FHIT: variants seen among roughly 807,000 people sequenced by gnomAD.
The protein encoded by FHIT is fragile histidine triad diadenosine triphosphatase.
FHIT carries 19 observed loss-of-function variants against 17.9 expected under a neutral mutation model. That is an observed-to-expected ratio of 1.06 (90% confidence interval 0.74 to 1.56). FHIT has a LOEUF of 1.56. Among genes scored for constraint, FHIT ranks in the 40% most tolerant of loss-of-function variants. FHIT has a pLI of 0.00. For missense variants in FHIT, 248 were observed against 189.2 expected (o/e 1.31, Z -1.82); for synonymous variants, 81 against 69.7 (o/e 1.16, Z -0.81).
At chr3:60,989,460 C>T (rs1167169186) in intron 3 of FHIT, among the ~76,000 whole-genome samples, 1 of 152,126 alleles carries the variant, frequency 6.6e-6, no homozygotes, top group Non-Finnish European at 1.5e-5. Flanking sequence ...TAATTAAGCT[C>T]TTGCTACATA....
chr3:59,878,902 C>T (rs1703280914), intron 8 of FHIT, among the ~76,000 whole-genome samples: 1 of 152,100 alleles, frequency 6.6e-6, no homozygotes, highest in Non-Finnish European at 1.5e-5. Context: ...TTTTTTTACT[C>T]CCCTTGTTCA....
intron 4 of FHIT, among the ~76,000 whole-genome samples, chr3:60,817,181 T>A (rs1352933464): frequency 6.6e-6 from 1 of 152,182 alleles, no homozygotes; most frequent in African/African-American, 2.4e-5. Flanking sequence ...TGCTATAAAG[T>A]CATATGGATT....
intron 8 of FHIT, 53 bp from the exon 9 acceptor site, chr3:59,752,374 T>G: frequency 6.9e-7 from 1 of 1,448,528 alleles, no homozygotes; most frequent in Admixed American, 1.9e-5. Context: ...GGGATCTCCT[T>G]GAACAAATTT....
intron 9 of FHIT, chr3:59,750,122 C>G (rs1290129748): frequency 4.4e-6 from 1 of 226,650 alleles, no homozygotes; most frequent in Non-Finnish European, 8.8e-6. Context: ...ACCTGGAAGA[C>G]AGGAGGTGTC....
At chr3:60,417,237 C>T (rs1413838005) in intron 5 of FHIT, among the ~76,000 whole-genome samples, 1 of 151,998 alleles carries the variant, frequency 6.6e-6, no homozygotes, top group Non-Finnish European at 1.5e-5. Context: ...TTATCACATA[C>T]AATTGTAAGA....
At chr3:60,278,996 TA>T (rs758432249) in intron 5 of FHIT, among the ~76,000 whole-genome samples, 45 of 151,862 alleles carry the variant, frequency 3.0e-4, no homozygotes, top group Admixed American at 1.0e-3. Context: ...AAAAACAATT[TA>T]AACCTAAAGC....
At chr3:61,148,996 T>C (rs2037307839) in intron 2 of FHIT, among the ~76,000 whole-genome samples, 1 of 152,250 alleles carries the variant, frequency 6.6e-6, no homozygotes, top group Non-Finnish European at 1.5e-5. Flanking sequence ...CATAAAGTTT[T>C]CCATAGAAAC....
rs1372151205 is a variant in FHIT, at chr3:60,609,529, G to C, written c.-17-72550C>G. ...TTTAGTACAGATGGGGTCTAACCAT[G>C]TTGGTTAGACTGGTCTTGAACTCCT... On this transcript the variant is annotated intron_variant, in intron 4 of 9. Transcript: ENST00000492590. Among the ~76,000 whole-genome samples, 7 of 152,156 alleles carry C rather than the reference G, an allele frequency of 4.6e-5. No individual in the cohort carries two copies. The East Asian group carries it at 1.4e-3, about 30-fold the overall frequency.
At chr3:60,504,165 G>A (rs773861402) in intron 5 of FHIT, among the ~76,000 whole-genome samples, 16 of 152,320 alleles carry the variant, frequency 1.1e-4, no homozygotes, top group Non-Finnish European at 1.9e-4. Flanking sequence ...GCCGGGCAGC[G>A]TGCCTCACGC....
At chr3:59,958,719 C>G (rs1007189418) in intron 7 of FHIT, among the ~76,000 whole-genome samples, 3 of 152,196 alleles carry the variant, frequency 2.0e-5, no homozygotes, top group Non-Finnish European at 4.4e-5. Flanking sequence ...TATGTAATTT[C>G]TACTCTGAAA....
intron 5 of FHIT, among the ~76,000 whole-genome samples, chr3:60,110,004 G>A (rs1229093264): frequency 6.6e-6 from 1 of 152,076 alleles, no homozygotes; most frequent in Non-Finnish European, 1.5e-5. Flanking sequence ...TTCTTTTCGA[G>A]ACCTCGATCA....
chr3:60,868,021 A>ATATGTCATTGAGCACACATATGT (rs1704238979), intron 3 of FHIT, among the ~76,000 whole-genome samples: 1 of 152,164 alleles, frequency 6.6e-6, no homozygotes, highest in African/African-American at 2.4e-5. Flanking sequence ...TCAATGACAA[A>ATATGTCATTGAGCACACATATGT]CCTGTGTGCT....
Position 60,504,362 on chromosome 3 carries a change from A to C in FHIT, c.103+32498T>G, listed in dbSNP as rs570021479. 2.0e-5 allele frequency among the ~76,000 whole-genome samples: 3 copies of C among 151,774 alleles called. No individual in the cohort carries two copies. In the East Asian group the frequency reaches 5.8e-4, roughly 30 times the overall value. ...GGCAGGAGAATCACTTGAACCTGGG[A>C]GTTGGAGGTTGCAGTGAGCCAAGAT... On this transcript the variant is annotated intron_variant, in intron 5 of 9. Transcript: ENST00000492590.
intron 8 of FHIT, among the ~76,000 whole-genome samples, chr3:59,847,071 A>T (rs940320323): frequency 6.6e-6 from 1 of 151,912 alleles, no homozygotes; most frequent in Non-Finnish European, 1.5e-5. Context: ...TTTCAGGCTC[A>T]CCCTATTTGT....
At chr3:59,912,537 G>A (rs1281178417) in intron 8 of FHIT, among the ~76,000 whole-genome samples, 4 of 151,586 alleles carry the variant, frequency 2.6e-5, no homozygotes, top group Admixed American at 6.6e-5. Flanking sequence ...TTTTAGAGTC[G>A]CTAAAAGGAA....
At chr3:59,805,895 G>A (rs1700174770) in intron 8 of FHIT, among the ~76,000 whole-genome samples, 1 of 152,070 alleles carries the variant, frequency 6.6e-6, no homozygotes. Flanking sequence ...TAAAGATCAT[G>A]GGGAAGCTGG....
At chr3:60,669,715 G>C (rs9819311) in intron 4 of FHIT, among the ~76,000 whole-genome samples, 1 of 152,148 alleles carries the variant, frequency 6.6e-6, no homozygotes, top group African/African-American at 2.4e-5. Flanking sequence ...ACTGAAGATT[G>C]CATGTGAGAG....
intron 5 of FHIT, among the ~76,000 whole-genome samples, chr3:60,386,890 C>T (rs1197155305): frequency 6.6e-6 from 1 of 152,136 alleles, no homozygotes; most frequent in Non-Finnish European, 1.5e-5. Flanking sequence ...TCAGAGTGGA[C>T]AAGCAACTGG....
chr3:60,547,209 A>G (rs553451210), intron 4 of FHIT, among the ~76,000 whole-genome samples: 1 of 152,330 alleles, frequency 6.6e-6, no homozygotes, highest in South Asian at 2.1e-4. Flanking sequence ...TAGATGTACC[A>G]ATATTCTGTG....
Sources: allele counts gnomAD v4.1 joint callset (sites outside exome capture counted in the v4.1 genomes callset), GRCh38; gene constraint gnomAD v4.1.1; transcripts MANE v1.5; gene names NCBI Gene and HGNC (gene_info 2026-07-23, HGNC 2026-07-21).